The following ZNF18 variants were observed in gnomAD, a reference collection of about 807,000 sequenced individuals.
The protein encoded by ZNF18 is zinc finger protein 18.
A neutral mutation model predicts 58.1 loss-of-function variants in ZNF18; 42 were observed. The ratio of observed to expected loss-of-function variants is 0.72; its 90% CI spans 0.56 to 0.93. The LOEUF (loss-of-function observed/expected upper bound fraction) is 0.93. ZNF18 is among the 40% of genes least tolerant of loss of function. The pLI, the probability that ZNF18 is intolerant of heterozygous loss-of-function variation, is 0.00. For missense variants in ZNF18, 540 were observed against 644.2 expected, an observed-to-expected ratio of 0.84 and a Z score of 1.75; for synonymous variants, 231 against 239.8, an observed-to-expected ratio of 0.96 and a Z score of 0.34.
At chr17:12,004,496 C>T in the ZNF18 span, among the ~76,000 whole-genome samples, 33 of 152,246 alleles carry the variant, frequency 2.2e-4, 1 homozygote, top group African/African-American at 7.5e-4. Context: ...TAACTTGAGT[C>T]CTTTTGCAGA....
chr17:11,977,614 A>G lies in ZNF18; in HGVS notation c.*343T>C. 1 of 198,522 alleles carries G rather than the reference A, an allele frequency of 5.0e-6. No homozygotes were observed. Among genetic ancestry groups the G allele is most frequent in the East Asian group, 1.2e-4 (1 of 8,328 alleles). The allele number at this position is 198,522 out of a possible 1,614,324, so 12.3% of individuals were successfully genotyped here. On this transcript the variant is annotated 3_prime_UTR_variant, in exon 7 of 7. Transcript: ENST00000580306. ...AAGGGGCTGATCTGAGGTTCTTCCCATAAGCAGTGACTACAGCTAATCCCA... is the reference window on the plus strand; with the variant it reads ...AAGGGGCTGATCTGAGGTTCTTCCCGTAAGCAGTGACTACAGCTAATCCCA...
chr17:12,016,136 A>G, the ZNF18 span, among the ~76,000 whole-genome samples: 1 of 152,086 alleles, frequency 6.6e-6, no homozygotes, highest in Non-Finnish European at 1.5e-5. Context: ...ATTTACATAC[A>G]ATGAAATGCA....
At chr17:11,981,488 G>C (rs979843838) in intron 6 of ZNF18, among the ~76,000 whole-genome samples, 1 of 103,666 alleles carries the variant, frequency 9.6e-6, no homozygotes, top group Non-Finnish European at 2.1e-5. Context: ...CCGGTTTTTT[G>C]TTTTTTTTTG....
chr17:12,021,466 C>T, the ZNF18 span: 1 of 152,018 alleles, frequency 6.6e-6, no homozygotes, highest in Non-Finnish European at 1.5e-5. Context: ...GCCCCTCGGC[C>T]CCGCCGCCGC....
chr17:11,998,188 A>G (rs1968583767), upstream of ZNF18, among the ~76,000 whole-genome samples: 1 of 151,362 alleles, frequency 6.6e-6, no homozygotes, highest in Non-Finnish European at 1.5e-5. Context: ...CTCCCTTCTC[A>G]CTATCCCTCC....
At chr17:12,011,902 C>T in the ZNF18 span, among the ~76,000 whole-genome samples, 4 of 145,722 alleles carry the variant, frequency 2.7e-5, no homozygotes, top group East Asian at 8.3e-4. Flanking sequence ...GATTTCACCA[C>T]ATTGGCCAGG....
rs758205300 is a variant in ZNF18 at position 11,990,514 on chromosome 17, C to T, written c.614G>A (p.Arg205Lys). 6.2e-7 allele frequency: 1 copy of T among 1,612,430 alleles called. No individual in the cohort carries two copies. The highest frequency in any genetic ancestry group is 8.5e-7 in the Non-Finnish European group (1 of 1,179,636). ...TCCGAGGTCCTGGTCTCTGATCAGC[C>T]TTTCCTCCAGTCGGGCAGGCTGGGA... ...AASQPARLEE[R>K]LIRDQDLGAS... Residue 205 changes from arginine (R) to lysine (K), a missense_variant, in exon 4 of 7, where the codon AGG becomes AAG. Transcript: ENST00000580306.
the ZNF18 span, among the ~76,000 whole-genome samples, chr17:12,003,907 C>T: frequency 1.2e-4 from 18 of 152,298 alleles, no homozygotes; most frequent in African/African-American, 3.4e-4. Flanking sequence ...CATAAGGGAA[C>T]GTGAGGAGGC....
chr17:11,989,220 G>A (rs1449746414), intron 4 of ZNF18, among the ~76,000 whole-genome samples: 1 of 152,008 alleles, frequency 6.6e-6, no homozygotes, highest in African/African-American at 2.4e-5. Flanking sequence ...AGCTACTCAG[G>A]AGGCTGAGGC....
upstream of ZNF18, among the ~76,000 whole-genome samples, chr17:12,000,723 A>C (rs1280022696): frequency 6.6e-6 from 1 of 152,214 alleles, no homozygotes; most frequent in African/African-American, 2.4e-5. Flanking sequence ...TCAGAAAGAA[A>C]GAAAGGAAGA....
chr17:11,987,227 A>G (rs1256672072), intron 4 of ZNF18, among the ~76,000 whole-genome samples: 1 of 152,218 alleles, frequency 6.6e-6, no homozygotes, highest in Non-Finnish European at 1.5e-5. Context: ...TTTAAGTCTG[A>G]AAACAGGGGA....
the ZNF18 span, among the ~76,000 whole-genome samples, chr17:12,009,362 C>G: frequency 6.6e-6 from 1 of 151,732 alleles, no homozygotes; most frequent in Admixed American, 6.6e-5. Flanking sequence ...CAAATTGTAT[C>G]ATTTGGACCT....
At chr17:11,978,927 C>G (rs1291767930) in intron 6 of ZNF18, among the ~76,000 whole-genome samples, 183 bp from the exon 7 acceptor site, 1 of 143,410 alleles carries the variant, frequency 7.0e-6, no homozygotes, top group Non-Finnish European at 1.5e-5. Flanking sequence ...ACTCACTTCC[C>G]CTGTCCTGGG....
rs2151465181 is a variant in ZNF18 at position 11,978,070 on chromosome 17, C to T, written c.1537G>A (p.Val513Ile). Residue 513 changes from valine (V) to isoleucine (I), a missense_variant, in exon 7 of 7, where the codon GTT becomes ATT. Physicochemically the swap from Val to Ile is conservative, Grantham distance 29. Coordinates refer to ENST00000580306, the MANE Select transcript of ZNF18 (RefSeq NM_001303281.2). The part of the protein sequence containing the change: ...QRSNFNRHQR[V>I]HTGEKPYKCS... ...TTATAAGGTTTCTCTCCAGTGTGAACCCTCTGATGTCTATTAAAGTTTGAT... is the reference window on the plus strand; with the variant it reads ...TTATAAGGTTTCTCTCCAGTGTGAATCCTCTGATGTCTATTAAAGTTTGAT... 2 of 1,614,058 alleles carry T rather than the reference C, an allele frequency of 1.2e-6. No individual in the cohort carries two copies. Among genetic ancestry groups the T allele is most frequent in the Non-Finnish European group, 1.7e-6 (2 of 1,180,016 alleles).
intron 4 of ZNF18, among the ~76,000 whole-genome samples, chr17:11,988,488 C>T (rs1159407053): frequency 6.6e-6 from 1 of 152,132 alleles, no homozygotes; most frequent in Non-Finnish European, 1.5e-5. Context: ...AAAGAGAAAG[C>T]TCCAGAGATC....
the ZNF18 span, among the ~76,000 whole-genome samples, chr17:12,003,684 A>C: frequency 6.6e-6 from 1 of 152,084 alleles, no homozygotes; most frequent in Non-Finnish European, 1.5e-5. Context: ...TCAATGACTA[A>C]CTCCCCAGTA....
At position 11,991,098 on chromosome 17, in the gene ZNF18, C is replaced by A; in HGVS notation, c.453G>T (p.Val151=). Residue 151 remains valine (V), a synonymous_variant, in exon 3 of 7, where the codon GTG becomes GTT. Transcript: ENST00000580306. ...CTTCAAGATGGGGCTCCACTTCCCC[C>A]ACTTGGCAGCTTGGAGATTCCATCT... ...SEKMESPSCQ[V]GEVEPHLEVV... is the part of the protein sequence containing the mutation. 4 of 1,614,204 alleles carry A rather than the reference C, an allele frequency of 2.5e-6. No individual in the cohort carries two copies. The South Asian group carries it at 3.3e-5, about 13-fold the overall frequency.
In ZNF18 at chr17:11,978,278, T is replaced by G; in HGVS notation, c.1329A>C (p.Lys443Asn). The stretch of plus-strand genomic sequence containing the variant: ...CAAAGTCTGAACTCCGCAGAAAGGC[T>G]TTTTTGCAGATGGTGCACTGAAAGT... ...ETYFQCTICK[K>N]AFLRSSDFVK... Residue 443 changes from lysine to asparagine, a missense_variant, in exon 7 of 7, where the codon AAA (lysine) becomes AAC (asparagine). By Grantham distance (94) the Lys-to-Asn change is moderately conservative (BLOSUM62 0). Coordinates refer to ENST00000580306, the MANE Select transcript of ZNF18 (RefSeq NM_001303281.2). 3 of 1,607,428 alleles carry G rather than the reference T, an allele frequency of 1.9e-6. No individual in the cohort carries two copies. The highest frequency in any genetic ancestry group is 1.7e-6 in the Non-Finnish European group (2 of 1,177,558).
rs2151465790 is a variant in ZNF18 at position 11,978,418 on chromosome 17, C to G, written c.1189G>C (p.Gly397Arg). Reference protein sequence around the residue: ...LEEKRETSQKGQPRAPMAQKL... With the variant: ...LEEKRETSQKRQPRAPMAQKL... ...TGGGCCATGGGGGCTCTTGGCTGCC[C>G]CTTCTGGGAGGTCTCTCTCTTCTCC... is the stretch of plus-strand genomic sequence containing the variant. The change falls in exon 7 of 7, where the codon GGG becomes CGG. Residue 397 changes from glycine (G) to arginine (R), a missense_variant. By Grantham distance (125) the Gly-to-Arg change is moderately radical. Coordinates refer to ENST00000580306, the MANE Select transcript of ZNF18 (RefSeq NM_001303281.2). 6.5e-7 allele frequency: 1 copy of G among 1,546,926 alleles called. No homozygotes were observed. Among genetic ancestry groups the G allele is most frequent in the Non-Finnish European group, 8.7e-7 (1 of 1,150,632 alleles).
Sources: allele counts gnomAD v4.1 joint callset (sites outside exome capture counted in the v4.1 genomes callset), GRCh38; gene constraint gnomAD v4.1.1; transcripts MANE v1.5; gene names NCBI Gene and HGNC (gene_info 2026-07-23, HGNC 2026-07-21).